LRRK1: variants seen among roughly 807,000 people sequenced by gnomAD.
LRRK1 encodes the protein leucine rich repeat kinase 1.
Under a neutral mutation model 209.1 loss-of-function variants are expected in LRRK1, and 113 were observed. The ratio of observed to expected loss-of-function variants is 0.54; its 90% CI spans 0.46 to 0.63. The LOEUF (loss-of-function observed/expected upper bound fraction) is 0.63. LRRK1 is among the 30% of genes least tolerant of loss of function. The probability of loss-of-function intolerance (pLI) is 0.00; values close to 1 mark genes in which losing one functional copy is unlikely to be tolerated. For missense variants in LRRK1, 2,284 were observed against 2,632.2 expected (o/e 0.87, Z 2.89); for synonymous variants, 1,144 against 1,099.7 (o/e 1.04, Z -0.80).
intron 23 of LRRK1, 88 bp downstream of exon 23, chr15:101,049,871 A>T: frequency 7.0e-7 from 1 of 1,419,878 alleles, no homozygotes; most frequent in Non-Finnish European, 9.5e-7. Flanking sequence ...GGTGGACAAA[A>T]ATCCCACTGG....
intron 31 of LRRK1, among the ~76,000 whole-genome samples, chr15:101,062,908 G>A (rs1423449169): frequency 6.6e-6 from 1 of 152,156 alleles, no homozygotes; most frequent in Non-Finnish European, 1.5e-5. Flanking sequence ...CAGCCAGACT[G>A]CAGGCCGAAT....
rs1459693218 is a variant in LRRK1, at chr15:101,027,019, C to T, written c.2406-242C>T. On this transcript the variant is annotated intron_variant, in intron 17 of 33. Coordinates refer to ENST00000388948, the MANE Select transcript of LRRK1 (RefSeq NM_024652.6). This position sits in a 1 kb window ranked among gnomAD's most constrained non-coding sequence, Gnocchi z 5.1. ...TGGGGGTCTCGGTGTACCTCTGCAC[C>T]TCACTTTCCTCCTCCGTGAAGTGCC... is the stretch of plus-strand genomic sequence containing the variant. Among the ~76,000 whole-genome samples the T allele has an allele frequency of 6.6e-6, 1 of 152,144 alleles. No homozygotes were observed. Among genetic ancestry groups the T allele is most frequent in the Non-Finnish European group, 1.5e-5 (1 of 68,024 alleles).
chr15:100,975,218 G>A (rs1224984440), intron 3 of LRRK1, among the ~76,000 whole-genome samples: 1 of 152,248 alleles, frequency 6.6e-6, no homozygotes, highest in Non-Finnish European at 1.5e-5. Flanking sequence ...GGAGGAGCTG[G>A]GCAGCAAACA....
At chr15:100,951,052 G>C (rs2042641225) in intron 2 of LRRK1, among the ~76,000 whole-genome samples, 1 of 152,216 alleles carries the variant, frequency 6.6e-6, no homozygotes, top group African/African-American at 2.4e-5. Flanking sequence ...GCAGGGAGCA[G>C]AGGTTGCGCC....
intron 20 of LRRK1, among the ~76,000 whole-genome samples, chr15:101,032,310 C>T (rs192844770): frequency 2.0e-5 from 3 of 151,310 alleles, no homozygotes; most frequent in African/African-American, 7.3e-5. Context: ...TCTTTAAGTT[C>T]TAGGGTACAT....
intron 6 of LRRK1, among the ~76,000 whole-genome samples, chr15:101,005,676 G>T (rs775622708): frequency 2.6e-5 from 4 of 152,174 alleles, no homozygotes; most frequent in Non-Finnish European, 5.9e-5. Context: ...TTGTTTTGCC[G>T]GGAAGTAAGG....
At chr15:100,957,012 G>C (rs374110631) in intron 2 of LRRK1, among the ~76,000 whole-genome samples, 9 of 152,250 alleles carry the variant, frequency 5.9e-5, no homozygotes, top group Admixed American at 3.3e-4. Flanking sequence ...CTTGTCTGAA[G>C]ATACTTTCTG....
In LRRK1 at chr15:101,009,025, G is replaced by T. The variant is rs1201326428; in HGVS notation, c.951G>T (p.Leu317=). 1.2e-6 allele frequency: 2 copies of T among 1,614,222 alleles called. No homozygotes were observed. The highest frequency in any genetic ancestry group is 4.5e-5 in the East Asian group (2 of 44,878). ...LNLSDNHLGE[L]PGVQSSDEII... ...TCTCCGACAACCACCTGGGGGAGCT[G>T]CCTGGCGTGCAGTCATCGGACGAAA... is the stretch of plus-strand genomic sequence containing the variant. The change falls in exon 7 of 34, where the codon CTG becomes CTT. Residue 317 remains leucine, a synonymous_variant. Transcript: ENST00000388948.
At chr15:101,040,204 A>T (rs2141115184) in intron 20 of LRRK1, among the ~76,000 whole-genome samples, 1 of 152,252 alleles carries the variant, frequency 6.6e-6, no homozygotes, top group Non-Finnish European at 1.5e-5. Flanking sequence ...GAGGATTTTT[A>T]ATTACAAATT....
chr15:101,024,799 G>C lies in LRRK1; in HGVS notation c.2068-4G>C, dbSNP rs750240352. The C allele has an allele frequency of 1.2e-6, 2 of 1,611,260 alleles. No individual in the cohort carries two copies. The highest frequency in any genetic ancestry group is 2.7e-5 in the African/African-American group (2 of 74,892). On this transcript the variant is annotated splice_polypyrimidine_tract_variant and splice_region_variant and intron_variant, in intron 15 of 33. Coordinates refer to ENST00000388948, the MANE Select transcript of LRRK1 (RefSeq NM_024652.6). The surrounding 1 kb of genome is among the most constrained non-coding windows in gnomAD (Gnocchi z 4.6). The stretch of plus-strand genomic sequence containing the variant: ...TCCCTGTCGCTGCCTTGTTGCTCAA[G>C]TAGGTTGAGTCCGTGGAGTTCAACG...
In LRRK1 at chr15:100,981,317, C is replaced by T. The variant is rs8043274; in HGVS notation, c.262-2211C>T. ...CAGCTGTTAGTTGTGGGCAGTGAAG[C>T]ATTTAATCAATCACTGTGGCTTTTA... On this transcript the variant is annotated intron_variant, in intron 3 of 33. Coordinates refer to ENST00000388948, the MANE Select transcript of LRRK1 (RefSeq NM_024652.6). 7.8e-3 allele frequency among the ~76,000 whole-genome samples: 1,192 copies of T among 152,296 alleles called. 17 individuals carry two copies. The highest frequency in any genetic ancestry group is 0.028 in the African/African-American group (1,145 of 41,560).
chr15:100,950,848 C>A (rs551052356), intron 2 of LRRK1, among the ~76,000 whole-genome samples: 255 of 152,242 alleles, frequency 1.7e-3, no homozygotes, highest in South Asian at 4.4e-3. Flanking sequence ...TCGCGCCTGT[C>A]ATCCCAGCAC....
chr15:100,945,429 A>G (rs2042517800), intron 2 of LRRK1, among the ~76,000 whole-genome samples: 1 of 148,140 alleles, frequency 6.8e-6, no homozygotes, highest in South Asian at 2.1e-4. Context: ...ATGTTTTAGC[A>G]TGCGTAAGAA....
chr15:101,026,086 C>T lies in LRRK1; in HGVS notation c.2354C>T (p.Pro785Leu). The change falls in exon 17 of 34, where the codon CCC (proline) becomes CTC (leucine). Residue 785 changes from proline to leucine, a missense_variant. By Grantham distance (98) the Pro-to-Leu change is moderately conservative (BLOSUM62 -3). Around this residue, in one of 6 missense-constraint regions of LRRK1, gnomAD observed 780 missense variants for 985.2 expected, o/e 0.79. Transcript: ENST00000388948. ...TATGTGCTGGCACTCTGCCGCTCCCCCTCCGGCTCCAGGGCCACAGGCTTC... is the reference window on the plus strand; with the variant it reads ...TATGTGCTGGCACTCTGCCGCTCCCTCTCCGGCTCCAGGGCCACAGGCTTC... Reference protein sequence around the residue: ...RAYVLALCRSPSGSRATGFPD... With the variant: ...RAYVLALCRSLSGSRATGFPD... The T allele has an allele frequency of 1.9e-6, 3 of 1,614,274 alleles. No individual in the cohort carries two copies. Among genetic ancestry groups the T allele is most frequent in the Non-Finnish European group, 2.5e-6 (3 of 1,180,054 alleles).
In LRRK1 at chr15:101,027,122, C is replaced by A; in HGVS notation, c.2406-139C>A. 1 of 1,065,442 alleles carries A rather than the reference C, an allele frequency of 9.4e-7. No homozygotes were observed. The allele number at this position is 1,065,442 out of a possible 1,614,324, so 66.0% of individuals were successfully genotyped here. The stretch of plus-strand genomic sequence containing the variant: ...CAGTGATTTGCACAAAGCAAGGCCT[C>A]AATAAACTTCTTGTGTTGTCTTTCA... On this transcript the variant is annotated intron_variant, in intron 17 of 33. Coordinates refer to ENST00000388948, the MANE Select transcript of LRRK1 (RefSeq NM_024652.6). This position sits in a 1 kb window ranked among gnomAD's most constrained non-coding sequence, Gnocchi z 5.1.
intron 12 of LRRK1, among the ~76,000 whole-genome samples, chr15:101,017,207 G>A (rs1296093920): frequency 6.6e-6 from 1 of 152,148 alleles, no homozygotes; most frequent in African/African-American, 2.4e-5. Context: ...GATAGTATGA[G>A]GTAGGGATGA....
intron 9 of LRRK1, among the ~76,000 whole-genome samples, chr15:101,011,707 T>C (rs1432556790): frequency 6.6e-6 from 1 of 151,924 alleles, no homozygotes; most frequent in Non-Finnish European, 1.5e-5. Context: ...CCAGCTTCTC[T>C]CTCCAGTGTG....
At chr15:101,013,834 G>A (rs2033400960) in intron 10 of LRRK1, among the ~76,000 whole-genome samples, 1 of 152,036 alleles carries the variant, frequency 6.6e-6, no homozygotes, top group Non-Finnish European at 1.5e-5. Context: ...GGCTAGGACA[G>A]TTACCCTTGG....
chr15:101,068,650 C>T (rs1197430624), intron 33 of LRRK1, 21 bp from the exon 34 acceptor site: 10 of 1,550,740 alleles, frequency 6.4e-6, no homozygotes, highest in Non-Finnish European at 8.7e-6. Context: ...TGAGTTTCCT[C>T]AGACCCCCTT....
Sources: allele counts gnomAD v4.1 joint callset (sites outside exome capture counted in the v4.1 genomes callset), GRCh38; gene constraint gnomAD v4.1.1; regional missense constraint gnomAD v4.1.1; non-coding constraint Gnocchi (gnomAD v3.1); transcripts MANE v1.5; gene names NCBI Gene and HGNC (gene_info 2026-07-23, HGNC 2026-07-21).